The following VIRMA variants were observed in gnomAD, a reference collection of about 807,000 sequenced individuals.
VIRMA encodes the protein protein virilizer homolog.
A neutral mutation model predicts 182.4 loss-of-function variants in VIRMA; 65 were observed. The ratio of observed to expected loss-of-function variants is 0.36; its 90% CI spans 0.29 to 0.44. The LOEUF (loss-of-function observed/expected upper bound fraction) is 0.44, where lower values mean the gene tolerates loss of function less well. VIRMA is among the 20% of genes least tolerant of loss of function. The pLI, the probability that VIRMA is intolerant of heterozygous loss-of-function variation, is 1.00. For missense variants in VIRMA, 1,752 were observed against 2,158.1 expected (o/e 0.81, Z 3.73); for synonymous variants, 709 against 743.1 (o/e 0.95, Z 0.75).
chr8:94,501,277 A>C (rs1813979226), intron 16 of VIRMA, among the ~76,000 whole-genome samples: 1 of 142,336 alleles, frequency 7.0e-6, no homozygotes. Flanking sequence ...AAAAAAAAAA[A>C]CAACCAATAA....
rs766169862 is a variant in VIRMA at position 94,553,469 on chromosome 8, G to A, written c.-22C>T. 8 of 1,611,268 alleles carry A rather than the reference G, an allele frequency of 5.0e-6. No homozygotes were observed. Among genetic ancestry groups the A allele is most frequent in the South Asian group, 2.2e-5 (2 of 91,018 alleles). ...CCATGTTTGCCGCGGGCGGGGAACA[G>A]GGGGGAGGACTTCCGGGGCAGCGCT... is the stretch of plus-strand genomic sequence containing the variant. On this transcript the variant is annotated 5_prime_UTR_variant, in exon 1 of 24. Coordinates refer to ENST00000297591, the MANE Select transcript of VIRMA (RefSeq NM_015496.5).
At chr8:94,541,496 C>T (rs1386520498) in intron 2 of VIRMA, among the ~76,000 whole-genome samples, 1 of 152,126 alleles carries the variant, frequency 6.6e-6, no homozygotes, top group African/African-American at 2.4e-5. Context: ...ACAAATATCA[C>T]TTGATCTCTA....
In VIRMA at chr8:94,511,360, G is replaced by A; in HGVS notation, c.3215C>T (p.Thr1072Ile). The change falls in exon 13 of 24, where the codon ACA (threonine) becomes ATA (isoleucine). Residue 1072 changes from threonine (T) to isoleucine (I), a missense_variant. This residue lies in a region of VIRMA where 777 missense variants were observed against 920.6 expected (regional missense o/e 0.84). Transcript: ENST00000297591. ...TGTGAGTTTTTCATTAACTCCTTGT[G>A]TAAAAGTCAGTAAAATATCAATGAT... ...NDIIDILLTF[T>I]QGVNEKLTIS... The A allele has an allele frequency of 6.2e-7, 1 of 1,613,774 alleles. No homozygotes were observed. Among genetic ancestry groups the A allele is most frequent in the Non-Finnish European group, 8.5e-7 (1 of 1,179,870 alleles).
Position 94,488,612 on chromosome 8 carries a change from G to C in VIRMA, c.*94C>G. 8.4e-7 allele frequency: 1 copy of C among 1,195,166 alleles called. No individual in the cohort carries two copies. Among genetic ancestry groups the C allele is most frequent in the Non-Finnish European group, 1.2e-6 (1 of 852,384 alleles). 74.0% of individuals were successfully genotyped at this position (1,195,166 alleles called of 1,614,324 possible). A position where few individuals can be genotyped will look rare whatever the true frequency, so the allele number is the denominator to read the frequency against. ...AAAAATATTCTCTCAGATGTCTCCA[G>C]ATAACTGCTAAGTCTAAATTGGTCC... On this transcript the variant is annotated 3_prime_UTR_variant, in exon 24 of 24. Coordinates refer to ENST00000297591, the MANE Select transcript of VIRMA (RefSeq NM_015496.5).
At chr8:94,544,280 A>C (rs1419500267) in intron 1 of VIRMA, among the ~76,000 whole-genome samples, 1 of 152,182 alleles carries the variant, frequency 6.6e-6, no homozygotes, top group Non-Finnish European at 1.5e-5. Context: ...ATATAATCCA[A>C]ATATTGCATA....
rs1156937359 is a variant in VIRMA at position 94,519,350 on chromosome 8, C to T, written c.2148G>A (p.Lys716=). Residue 716 remains lysine (K), a synonymous_variant, in exon 9 of 24, where the codon AAG becomes AAA. Transcript: ENST00000297591. ...ATTCCGACATAAAAAAAAGAAGACC[C>T]TTCTGTGACTGTGCAAGAAACTTCA... ...DVLKFLAQSQ[K]GLLFFMSEYE... 6.2e-7 allele frequency: 1 copy of T among 1,602,180 alleles called. No homozygotes were observed. Among genetic ancestry groups the T allele is most frequent in the South Asian group, 1.1e-5 (1 of 88,912 alleles).
intron 1 of VIRMA, chr8:94,547,139 G>A (rs1302061178): frequency 5.2e-6 from 2 of 387,978 alleles, no homozygotes; most frequent in South Asian, 1.9e-5. Flanking sequence ...TCTCCCATTA[G>A]ACTATGTGTT....
chr8:94,544,760 G>A (rs568686334), intron 1 of VIRMA, among the ~76,000 whole-genome samples: 244 of 151,566 alleles, frequency 1.6e-3, no homozygotes, highest in African/African-American at 5.4e-3. Flanking sequence ...AGGGTTTTGT[G>A]TTTTTTGGTG....
At chr8:94,512,303 C>T (rs566011081) in intron 11 of VIRMA, 5 of 239,454 alleles carry the variant, frequency 2.1e-5, no homozygotes, top group African/African-American at 1.1e-4. Context: ...GTACTATATA[C>T]AATATTATGT....
intron 7 of VIRMA, 47 bp downstream of exon 7, chr8:94,529,023 T>C: frequency 6.3e-7 from 1 of 1,597,268 alleles, no homozygotes; most frequent in Non-Finnish European, 8.6e-7. Flanking sequence ...CTGTATCGAG[T>C]TAGTTTCTAG....
intron 1 of VIRMA, among the ~76,000 whole-genome samples, chr8:94,548,806 C>T (rs775161162): frequency 6.6e-6 from 1 of 152,174 alleles, no homozygotes; most frequent in Non-Finnish European, 1.5e-5. Flanking sequence ...CAGGCGCATA[C>T]CATCACGCCT....
intron 16 of VIRMA, among the ~76,000 whole-genome samples, chr8:94,499,872 C>T (rs1040185615): frequency 5.3e-5 from 8 of 150,618 alleles, no homozygotes; most frequent in African/African-American, 2.0e-4. Context: ...TAGGGTAACC[C>T]GGTCTCTACT....
At chr8:94,506,790 C>T (rs1362922107) in intron 15 of VIRMA, 73 bp from the exon 16 acceptor site, 8 of 856,804 alleles carry the variant, frequency 9.3e-6, no homozygotes, top group Non-Finnish European at 1.5e-5. Context: ...TTGAGAAATA[C>T]ATAGCAATTA....
chr8:94,505,594 C>T (rs1208677321), intron 16 of VIRMA, among the ~76,000 whole-genome samples: 1 of 152,036 alleles, frequency 6.6e-6, no homozygotes, highest in African/African-American at 2.4e-5. Context: ...GCAATCCTCC[C>T]ACCTCAGCTT....
chr8:94,534,757 A>G (rs1815278605), intron 5 of VIRMA, 82 bp downstream of exon 5: 2 of 1,521,658 alleles, frequency 1.3e-6, no homozygotes, highest in Non-Finnish European at 1.8e-6. Context: ...AACAAAAGGT[A>G]AAAGAGTGCT....
intron 22 of VIRMA, chr8:94,490,311 G>T: frequency 2.1e-6 from 1 of 481,546 alleles, no homozygotes; most frequent in Non-Finnish European, 3.6e-6. Context: ...GCCCTGGTCA[G>T]CTGACTGACA....
At chr8:94,544,152 T>C (rs570424303) in intron 1 of VIRMA, among the ~76,000 whole-genome samples, 22 of 152,326 alleles carry the variant, frequency 1.4e-4, no homozygotes, top group African/African-American at 4.8e-4. Flanking sequence ...TTTTCTGCCA[T>C]GCATTTACTT....
In VIRMA at chr8:94,511,453, T is replaced by C. The variant is rs1814370324; in HGVS notation, c.3122A>G (p.His1041Arg). ...GAGGGGGATAGAGCACAGGAGCATA[T>C]GTAAAGTAACAAGCGCTGAAGGAAC... Reference protein sequence around the residue: ...MRVPSALVTLHMLLCSIPLSG... With the variant: ...MRVPSALVTLRMLLCSIPLSG... Residue 1041 changes from histidine to arginine, a missense_variant, in exon 13 of 24, where the codon CAT becomes CGT. By Grantham distance (29) the His-to-Arg change is conservative. This residue lies in a region of VIRMA where 777 missense variants were observed against 920.6 expected (regional missense o/e 0.84). Transcript: ENST00000297591. The C allele has an allele frequency of 6.2e-7, 1 of 1,614,150 alleles. No individual in the cohort carries two copies. The highest frequency in any genetic ancestry group is 8.5e-7 in the Non-Finnish European group (1 of 1,180,012).
intron 7 of VIRMA, 113 bp downstream of exon 7, chr8:94,528,957 C>T: frequency 1.5e-6 from 2 of 1,348,372 alleles, no homozygotes; most frequent in Non-Finnish European, 2.0e-6. Context: ...CATTCTGACC[C>T]TGGGTTTCTT....
Sources: allele counts gnomAD v4.1 joint callset (sites outside exome capture counted in the v4.1 genomes callset), GRCh38; gene constraint gnomAD v4.1.1; regional missense constraint gnomAD v4.1.1; transcripts MANE v1.5; gene names NCBI Gene and HGNC (gene_info 2026-07-23, HGNC 2026-07-21).